Variants in RASAL2 observed in about 807,000 individuals in gnomAD.
RASAL2 encodes ras GTPase-activating protein nGAP.
Under a neutral mutation model 128.9 loss-of-function variants are expected in RASAL2, and 58 were observed. That is an observed-to-expected ratio of 0.45 (90% CI 0.36 to 0.56). RASAL2 has a LOEUF of 0.56. Among genes scored for constraint, RASAL2 ranks in the 20% least tolerant of loss-of-function variants. RASAL2 has a pLI of 0.00. For missense variants in RASAL2, 1,360 were observed against 1,601.6 expected (o/e 0.85, Z 2.57); for synonymous variants, 561 against 580.8 (o/e 0.97, Z 0.49).
chr1:178,184,120 AC>A (rs1313414555), intron 1 of RASAL2, among the ~76,000 whole-genome samples: 1 of 152,104 alleles, frequency 6.6e-6, no homozygotes, highest in Non-Finnish European at 1.5e-5. Context: ...GCCCATTCAG[AC>A]CTTATGCCCA....
intron 16 of RASAL2, among the ~76,000 whole-genome samples, chr1:178,466,790 T>C (rs1647746570): frequency 6.6e-6 from 1 of 152,232 alleles, no homozygotes; most frequent in Non-Finnish European, 1.5e-5. Context: ...TAAAATGCTA[T>C]GGACAGGTCA....
At chr1:178,396,258 G>A (rs953029034) in intron 4 of RASAL2, among the ~76,000 whole-genome samples, 2 of 152,130 alleles carry the variant, frequency 1.3e-5, no homozygotes, top group Admixed American at 6.6e-5. Flanking sequence ...CAGGAGAAGA[G>A]GGCTGTTTGA....
chr1:178,407,905 T>C (rs1010028928), intron 4 of RASAL2, among the ~76,000 whole-genome samples: 4 of 152,194 alleles, frequency 2.6e-5, no homozygotes, highest in African/African-American at 9.7e-5. Flanking sequence ...CATTCACAGC[T>C]AGCCGAGTTC....
chr1:178,152,751 G>A (rs1031274107), intron 1 of RASAL2, among the ~76,000 whole-genome samples: 1 of 152,156 alleles, frequency 6.6e-6, no homozygotes, highest in Non-Finnish European at 1.5e-5. Context: ...ATAATTTAAT[G>A]AGTCCCATGT....
intron 3 of RASAL2, among the ~76,000 whole-genome samples, chr1:178,371,946 CT>C (rs1215816138): frequency 6.6e-6 from 1 of 152,030 alleles, no homozygotes; most frequent in Non-Finnish European, 1.5e-5. Context: ...GTTATCCTGG[CT>C]TTTTCTTTCA....
intron 8 of RASAL2, 73 bp downstream of exon 8, chr1:178,443,302 T>C: frequency 1.5e-6 from 2 of 1,325,014 alleles, no homozygotes; most frequent in Non-Finnish European, 1.0e-6. Flanking sequence ...ATGGATATTG[T>C]AGAAATCCAA....
At position 178,452,413 on chromosome 1, in the gene RASAL2, T is replaced by C. The variant is rs1304981581; in HGVS notation, c.1773-3T>C. 1.2e-6 allele frequency: 2 copies of C among 1,612,838 alleles called. No homozygotes were observed. Among genetic ancestry groups the C allele is most frequent in the Non-Finnish European group, 1.7e-6 (2 of 1,178,842 alleles). On this transcript the variant is annotated splice_region_variant and splice_polypyrimidine_tract_variant and intron_variant, in intron 10 of 17. Transcript: ENST00000367649. The stretch of plus-strand genomic sequence containing the variant: ...AGGTTTTGGTACTTCTTTCCTTCCC[T>C]AGTGTTTTCCCTCGTGAGTTGAAAG...
intron 4 of RASAL2, among the ~76,000 whole-genome samples, chr1:178,395,569 C>G (rs1417587694): frequency 6.6e-6 from 1 of 151,954 alleles, no homozygotes; most frequent in Non-Finnish European, 1.5e-5. Flanking sequence ...TATTGAAATT[C>G]AATTCATAGC....
At chr1:178,318,978 G>C (rs1668622967) in intron 3 of RASAL2, among the ~76,000 whole-genome samples, 1 of 151,942 alleles carries the variant, frequency 6.6e-6, no homozygotes, top group Non-Finnish European at 1.5e-5. Context: ...AGCTCTTTTA[G>C]GGCAGACCTG....
At chr1:178,157,033 C>T (rs186871499) in intron 1 of RASAL2, among the ~76,000 whole-genome samples, 189 of 152,104 alleles carry the variant, frequency 1.2e-3, no homozygotes, top group Non-Finnish European at 2.5e-3. Flanking sequence ...TTATGGGTAA[C>T]GTCTTTTGTT....
chr1:178,338,846 G>GA (rs573455248), intron 3 of RASAL2, among the ~76,000 whole-genome samples: 56 of 152,226 alleles, frequency 3.7e-4, no homozygotes, highest in African/African-American at 1.2e-3. Flanking sequence ...TGAAACAAAT[G>GA]AAAAAAGCAC....
At chr1:178,101,856 C>T (rs752617399) in intron 1 of RASAL2, among the ~76,000 whole-genome samples, 5 of 152,050 alleles carry the variant, frequency 3.3e-5, no homozygotes, top group Non-Finnish European at 5.9e-5. Context: ...CAGGAAAACT[C>T]GACAGTGAGA....
At chr1:178,376,764 A>G (rs1339868958) in intron 3 of RASAL2, among the ~76,000 whole-genome samples, 2 of 152,142 alleles carry the variant, frequency 1.3e-5, no homozygotes, top group African/African-American at 2.4e-5. Context: ...ATATTTTGGC[A>G]TCTTCCAGAA....
chr1:178,457,592 C>A (rs1677865781), intron 13 of RASAL2, 91 bp from the exon 14 acceptor site: 1 of 1,343,682 alleles, frequency 7.4e-7, no homozygotes, highest in Non-Finnish European at 1.0e-6. Flanking sequence ...CACATAAGAA[C>A]CTTCGGAGGA....
In RASAL2 at chr1:178,122,473, CTA is replaced by C. The variant is rs753812877; in HGVS notation, c.202+27782_202+27783del. Among the ~76,000 whole-genome samples, 59 of 152,212 alleles carry C rather than the reference CTA, an allele frequency of 3.9e-4. No individual in the cohort carries two copies. The East Asian group carries it at 0.011, about 28-fold the overall frequency. On this transcript the variant is annotated intron_variant, in intron 1 of 17. Coordinates refer to ENST00000367649, the MANE Select transcript of RASAL2 (RefSeq NM_170692.4). ...GCTGAAATATTTTGAGGTGTTCAGA[CTA>C]TAGTAGGAATGCAGTCATAATGACT...
intron 1 of RASAL2, among the ~76,000 whole-genome samples, chr1:178,243,181 G>A (rs1664596538): frequency 6.6e-6 from 1 of 152,158 alleles, no homozygotes. Flanking sequence ...GTAGTGAGCT[G>A]TGCTTCCAGT....
intron 1 of RASAL2, among the ~76,000 whole-genome samples, chr1:178,147,268 C>T (rs954085359): frequency 6.6e-6 from 1 of 151,840 alleles, no homozygotes; most frequent in Non-Finnish European, 1.5e-5. Context: ...GTGGGTGGAT[C>T]GCCTGAGCTC....
chr1:178,275,524 A>G (rs1666463264), intron 1 of RASAL2, among the ~76,000 whole-genome samples: 1 of 152,366 alleles, frequency 6.6e-6, no homozygotes, highest in South Asian at 2.1e-4. Context: ...TTCTTAAAAT[A>G]AGTAATGGCA....
chr1:178,101,704 G>A (rs1658907175), intron 1 of RASAL2, among the ~76,000 whole-genome samples: 1 of 152,188 alleles, frequency 6.6e-6, no homozygotes, highest in Admixed American at 6.5e-5. Flanking sequence ...GGCTCAGGAA[G>A]TTTAGCTTAT....
Sources: allele counts gnomAD v4.1 joint callset (sites outside exome capture counted in the v4.1 genomes callset), GRCh38; gene constraint gnomAD v4.1.1; transcripts MANE v1.5; gene names NCBI Gene and HGNC (gene_info 2026-07-23, HGNC 2026-07-21).